TTLL5: variants seen among roughly 807,000 people sequenced by gnomAD.
TTLL5 encodes the protein tubulin tyrosine ligase like 5, also known as tubulin polyglutamylase TTLL5.
A neutral mutation model predicts 168.4 loss-of-function variants in TTLL5; 132 were observed. The observed-to-expected ratio is 0.78, with a 90% CI of 0.68 to 0.91. The LOEUF is 0.91. Ranked by LOEUF, TTLL5 falls within the 40% of genes least tolerant of loss-of-function variation. The pLI, the probability that TTLL5 is intolerant of heterozygous loss-of-function variation, is 0.00. For synonymous variants in TTLL5, 546 were observed against 558.6 expected (o/e 0.98, Z 0.32); for missense variants, 1,545 against 1,581.5 (o/e 0.98, Z 0.39).
intron 15 of TTLL5, 40 bp from the exon 16 acceptor site, chr14:75,745,055 T>G: frequency 6.4e-7 from 1 of 1,566,078 alleles, no homozygotes; most frequent in South Asian, 1.2e-5. Context: ...AATGAAAACT[T>G]AAAAAATTTT....
chr14:75,720,679 G>GC lies in TTLL5; in HGVS notation c.1018_1019insC (p.Val340AlafsTer9). On this transcript the variant is annotated frameshift_variant, in exon 12 of 32. Coordinates refer to ENST00000298832, the MANE Select transcript of TTLL5 (RefSeq NM_015072.5). LOFTEE classifies it high-confidence loss of function. ...TATTGCTACTGCCTGTAAAACCTTTGTTCCTCATCGCAGCAGTTGTTTTGG... is the reference window on the plus strand; with the variant it reads ...TATTGCTACTGCCTGTAAAACCTTTGCTTCCTCATCGCAGCAGTTGTTTTGG... 1 of 1,613,574 alleles carries GC rather than the reference G, an allele frequency of 6.2e-7. No homozygotes were observed. Among genetic ancestry groups the GC allele is most frequent in the East Asian group, 2.2e-5 (1 of 44,870 alleles).
rs777187943 is a variant in TTLL5, at chr14:75,792,906, G to T, written c.2987-10G>T. On this transcript the variant is annotated splice_polypyrimidine_tract_variant and intron_variant, in intron 26 of 31. Coordinates refer to ENST00000298832, the MANE Select transcript of TTLL5 (RefSeq NM_015072.5). Reference sequence around the variant, plus strand: ...CCTAAATGAGTGAAAACTTTTCTCCGTTTTAGCAGGATCGTGCTATCTAAA... The same window carrying T: ...CCTAAATGAGTGAAAACTTTTCTCCTTTTTAGCAGGATCGTGCTATCTAAA... The T allele has an allele frequency of 2.6e-6, 4 of 1,546,572 alleles. No individual in the cohort carries two copies. The highest frequency in any genetic ancestry group is 2.5e-5 in the South Asian group (2 of 80,172).
At chr14:75,677,011 G>A (rs1412368236) in intron 3 of TTLL5, among the ~76,000 whole-genome samples, 4 of 152,002 alleles carry the variant, frequency 2.6e-5, no homozygotes, top group Admixed American at 6.6e-5. Context: ...GCCTCAAGCA[G>A]CCCTCCCATC....
intron 30 of TTLL5, among the ~76,000 whole-genome samples, chr14:75,900,774 G>T (rs779577326): frequency 6.6e-6 from 1 of 152,138 alleles, no homozygotes; most frequent in Non-Finnish European, 1.5e-5. Flanking sequence ...TGACTCCCTT[G>T]AAATTATTTC....
chr14:75,799,800 C>G (rs932968571), intron 27 of TTLL5, among the ~76,000 whole-genome samples: 9 of 152,196 alleles, frequency 5.9e-5, no homozygotes, highest in Non-Finnish European at 1.0e-4. Context: ...GGACCCCACT[C>G]CCTTCTAGCT....
chr14:75,815,500 A>G (rs1293040707), intron 27 of TTLL5, among the ~76,000 whole-genome samples: 1 of 152,248 alleles, frequency 6.6e-6, no homozygotes, highest in Non-Finnish European at 1.5e-5. Flanking sequence ...AAGTAATTTC[A>G]TGATCAAGTC....
intron 31 of TTLL5, among the ~76,000 whole-genome samples, chr14:75,927,156 A>C (rs1425851389): frequency 6.6e-6 from 1 of 152,214 alleles, no homozygotes; most frequent in African/African-American, 2.4e-5. Flanking sequence ...TATGGGGTAC[A>C]TGAGATGCTT....
intron 31 of TTLL5, among the ~76,000 whole-genome samples, chr14:75,908,295 T>C (rs2033230089): frequency 6.6e-6 from 1 of 152,228 alleles, no homozygotes; most frequent in Non-Finnish European, 1.5e-5. Context: ...CCCACCAGCC[T>C]GGCATGTGGC....
At chr14:75,938,097 A>G (rs979404116) in intron 31 of TTLL5, among the ~76,000 whole-genome samples, 4 of 152,228 alleles carry the variant, frequency 2.6e-5, no homozygotes, top group African/African-American at 9.6e-5. Flanking sequence ...TAAATTAAAC[A>G]TTGGTAACTG....
At chr14:75,861,292 C>T (rs1308012202) in intron 28 of TTLL5, among the ~76,000 whole-genome samples, 9 of 152,090 alleles carry the variant, frequency 5.9e-5, no homozygotes, top group Non-Finnish European at 1.3e-4. Context: ...TTACCCTTAA[C>T]GAGAGATTTG....
intron 29 of TTLL5, among the ~76,000 whole-genome samples, chr14:75,869,821 A>ATTGTTTTTTTTTTTT (rs2030863777): frequency 1.2e-5 from 1 of 82,416 alleles, no homozygotes; most frequent in African/African-American, 5.0e-5. Flanking sequence ...TTCAACAAGT[A>ATTGTTTTTTTTTTTT]TTTTTTTTTT....
Position 75,718,032 on chromosome 14 carries a change from G to T in TTLL5, c.842+70G>T, listed in dbSNP as rs146101887. 7.9e-6 allele frequency: 11 copies of T among 1,389,876 alleles called. No homozygotes were observed. In the African/African-American group the frequency reaches 1.1e-4, roughly 14 times the overall value. The allele number at this position is 1,389,876 out of a possible 1,614,324, so 86.1% of individuals were successfully genotyped here. A position where few individuals can be genotyped will look rare whatever the true frequency, so the allele number is the denominator to read the frequency against. On this transcript the variant is annotated intron_variant, in intron 10 of 31. Transcript: ENST00000298832. Reference sequence around the variant, plus strand: ...ATGTGGGTGTTGTAGAGGTGGAAAGGTAACATGTGGCACTGGAGGACAACT... The same window carrying T: ...ATGTGGGTGTTGTAGAGGTGGAAAGTTAACATGTGGCACTGGAGGACAACT...
chr14:75,825,549 G>A (rs1365503801), intron 28 of TTLL5, among the ~76,000 whole-genome samples: 1 of 152,090 alleles, frequency 6.6e-6, no homozygotes, highest in African/African-American at 2.4e-5. Flanking sequence ...CCTGGGGGTC[G>A]AGCTTTGGGA....
chr14:75,840,998 ATGGCAAGAGCAGG>A (rs1896198594), intron 28 of TTLL5, among the ~76,000 whole-genome samples: 1 of 152,228 alleles, frequency 6.6e-6, no homozygotes, highest in South Asian at 2.1e-4. Context: ...GGTATGTCAC[ATGGCAAGAGCAGG>A]GGCAAGAAAC....
intron 20 of TTLL5, among the ~76,000 whole-genome samples, chr14:75,768,876 A>G (rs996641240): frequency 3.3e-5 from 5 of 152,192 alleles, no homozygotes; most frequent in African/African-American, 1.2e-4. Context: ...AATATGCTAA[A>G]CTCAGTCAGA....
At chr14:75,811,701 C>T (rs1241036035) in intron 27 of TTLL5, among the ~76,000 whole-genome samples, 2 of 152,160 alleles carry the variant, frequency 1.3e-5, no homozygotes, top group Non-Finnish European at 1.5e-5. Context: ...GTGTGGACTT[C>T]TCTTAAGCAT....
intron 18 of TTLL5, among the ~76,000 whole-genome samples, chr14:75,760,891 T>A (rs1890595116): frequency 6.6e-6 from 1 of 152,142 alleles, no homozygotes; most frequent in African/African-American, 2.4e-5. Flanking sequence ...ACAAATAATG[T>A]TATATTTTCT....
chr14:75,667,348 G>A (rs1883336737), intron 2 of TTLL5, among the ~76,000 whole-genome samples: 1 of 152,208 alleles, frequency 6.6e-6, no homozygotes, highest in South Asian at 2.1e-4. Context: ...GTTCCTGTCT[G>A]AGACTTTGTA....
intron 31 of TTLL5, among the ~76,000 whole-genome samples, chr14:75,920,438 C>T (rs1319832015): frequency 3.3e-5 from 5 of 151,998 alleles, no homozygotes; most frequent in Admixed American, 1.3e-4. Context: ...ATGTTCCCCT[C>T]GACCCCTGTG....
Sources: allele counts gnomAD v4.1 joint callset (sites outside exome capture counted in the v4.1 genomes callset), GRCh38; gene constraint gnomAD v4.1.1; transcripts MANE v1.5; gene names NCBI Gene and HGNC (gene_info 2026-07-23, HGNC 2026-07-21).